Variants in PRKCE observed in about 807,000 individuals in gnomAD.
PRKCE encodes the protein protein kinase C epsilon, also known as protein kinase C epsilon type.
A neutral mutation model predicts 85.4 loss-of-function variants in PRKCE; 16 were observed. The observed-to-expected ratio is 0.19, with a 90% confidence interval of 0.13 to 0.28. The LOEUF (loss-of-function observed/expected upper bound fraction) is 0.28, where lower values mean the gene tolerates loss of function less well. PRKCE is among the 10% of genes least tolerant of loss of function. PRKCE has a pLI of 1.00. For synonymous variants in PRKCE, 388 were observed against 371.5 expected (o/e 1.04, Z -0.51); for missense variants, 573 against 975.2 (o/e 0.59, Z 5.49).
At chr2:45,872,671 G>A (rs887466561) in intron 2 of PRKCE, among the ~76,000 whole-genome samples, 1 of 152,206 alleles carries the variant, frequency 6.6e-6, no homozygotes, top group Non-Finnish European at 1.5e-5. Context: ...GCCAGAAGTG[G>A]ATTGGAGATA....
Position 45,895,296 on chromosome 2 carries a change from C to G in PRKCE, c.412+52233C>G, listed in dbSNP as rs1696051918. Among the ~76,000 whole-genome samples, 1 of 152,176 alleles carries G rather than the reference C, an allele frequency of 6.6e-6. No individual in the cohort carries two copies. Among genetic ancestry groups the G allele is most frequent in the African/African-American group, 2.4e-5 (1 of 41,446 alleles). Reference sequence around the variant, plus strand: ...TTCAGTACACACACAGCTACGGTAACAGTACCTCTCCATCCACAGTGACTT... The same window carrying G: ...TTCAGTACACACACAGCTACGGTAAGAGTACCTCTCCATCCACAGTGACTT... On this transcript the variant is annotated intron_variant, in intron 2 of 14. Coordinates refer to ENST00000306156, the MANE Select transcript of PRKCE (RefSeq NM_005400.3). The surrounding 1 kb of genome is among the most constrained non-coding windows in gnomAD (Gnocchi z 4.8).
At chr2:45,852,526 CAT>C (rs1212616613) in intron 2 of PRKCE, among the ~76,000 whole-genome samples, 2 of 152,158 alleles carry the variant, frequency 1.3e-5, no homozygotes, top group Non-Finnish European at 2.9e-5. Context: ...ATGAAAAAGA[CAT>C]AGGTCCTGCC....
intron 1 of PRKCE, among the ~76,000 whole-genome samples, chr2:45,799,558 T>C (rs1181544945): frequency 6.6e-6 from 1 of 152,220 alleles, no homozygotes; most frequent in Non-Finnish European, 1.5e-5. Flanking sequence ...AGCAAGACCC[T>C]GTCTCTAAAA....
chr2:45,691,794 C>T (rs770601930), intron 1 of PRKCE, among the ~76,000 whole-genome samples: 17 of 152,226 alleles, frequency 1.1e-4, no homozygotes, highest in South Asian at 6.2e-4. Flanking sequence ...TGCATGGAGG[C>T]GGCACTCTTT....
chr2:46,006,573 C>A (rs1002070219), intron 8 of PRKCE, among the ~76,000 whole-genome samples: 1 of 152,238 alleles, frequency 6.6e-6, no homozygotes, highest in Non-Finnish European at 1.5e-5. Flanking sequence ...CTATGTTCCC[C>A]TTCCATAATC....
At chr2:45,800,846 A>G (rs552024667) in intron 1 of PRKCE, among the ~76,000 whole-genome samples, 27 of 152,290 alleles carry the variant, frequency 1.8e-4, no homozygotes, top group African/African-American at 6.5e-4. Flanking sequence ...ACTGACATAC[A>G]TGTATGCATG....
At chr2:45,914,433 T>G (rs1476916203) in intron 2 of PRKCE, among the ~76,000 whole-genome samples, 1 of 152,172 alleles carries the variant, frequency 6.6e-6, no homozygotes, top group Non-Finnish European at 1.5e-5. Context: ...CTCAGGAGTG[T>G]TCTGTGCTGT....
At chr2:45,888,383 A>G (rs563588163) in intron 2 of PRKCE, among the ~76,000 whole-genome samples, 3 of 152,084 alleles carry the variant, frequency 2.0e-5, no homozygotes, top group Non-Finnish European at 4.4e-5. Flanking sequence ...GATACAGCAT[A>G]CAAGGGTTCC....
rs1292105731 is a variant in PRKCE, at chr2:45,816,001, G to A, written c.349-26999G>A. ...AGAGTGTTGATGGTACCTTTATGGC[G>A]ATTAATGCAAGACACATCCCAAGTA... On this transcript the variant is annotated intron_variant, in intron 1 of 14. Transcript: ENST00000306156. 2.6e-5 allele frequency among the ~76,000 whole-genome samples: 4 copies of A among 152,286 alleles called. No individual in the cohort carries two copies. The South Asian group carries it at 6.2e-4, about 24-fold the overall frequency.
At chr2:45,903,887 T>TTTTTTTTG (rs1553445440) in intron 2 of PRKCE, among the ~76,000 whole-genome samples, 21 of 102,676 alleles carry the variant, frequency 2.0e-4, no homozygotes, top group East Asian at 7.5e-4. Context: ...GGCAGTTTTT[T>TTTTTTTTG]TTTGTTTGTT....
chr2:45,775,736 C>T (rs1053360961), intron 1 of PRKCE, among the ~76,000 whole-genome samples: 1 of 152,194 alleles, frequency 6.6e-6, no homozygotes, highest in African/African-American at 2.4e-5. Flanking sequence ...CAGCATGATC[C>T]TCGGGTTACG....
chr2:45,817,592 G>T (rs1247094234), intron 1 of PRKCE, among the ~76,000 whole-genome samples: 1 of 152,146 alleles, frequency 6.6e-6, no homozygotes, highest in South Asian at 2.1e-4. Context: ...TACTCAGGAG[G>T]CTGAGGCAGG....
intron 10 of PRKCE, among the ~76,000 whole-genome samples, chr2:46,083,730 C>A (rs750131653): frequency 3.3e-5 from 5 of 152,178 alleles, no homozygotes; most frequent in African/African-American, 4.8e-5. Flanking sequence ...ATCTTCTGAA[C>A]CAGATATCTG....
chr2:46,006,828 T>C (rs1705242102), intron 8 of PRKCE, among the ~76,000 whole-genome samples: 1 of 152,218 alleles, frequency 6.6e-6, no homozygotes, highest in South Asian at 2.1e-4. Flanking sequence ...GAGATAAGTT[T>C]GCAACATGTC....
intron 1 of PRKCE, among the ~76,000 whole-genome samples, chr2:45,680,872 T>C (rs1224431843): frequency 1.3e-5 from 2 of 152,204 alleles, no homozygotes; most frequent in Admixed American, 6.5e-5. Flanking sequence ...TACAGGATAT[T>C]TGCTCTTCAT....
intron 10 of PRKCE, among the ~76,000 whole-genome samples, chr2:46,065,611 C>A (rs185092128): frequency 6.6e-6 from 1 of 152,138 alleles, no homozygotes; most frequent in East Asian, 1.9e-4. Flanking sequence ...CTTTTCAGAT[C>A]GACTTTCCTG....
At chr2:45,726,678 G>A (rs1213857464) in intron 1 of PRKCE, among the ~76,000 whole-genome samples, 1 of 152,086 alleles carries the variant, frequency 6.6e-6, no homozygotes, top group Non-Finnish European at 1.5e-5. Flanking sequence ...CAATATCTCT[G>A]ATGTATACCT....
chr2:46,173,524 A>G (rs572843004), intron 14 of PRKCE, among the ~76,000 whole-genome samples: 9 of 152,228 alleles, frequency 5.9e-5, no homozygotes, highest in Non-Finnish European at 1.0e-4. Context: ...TCACTTTACC[A>G]ATAGCAGACA....
intron 1 of PRKCE, among the ~76,000 whole-genome samples, chr2:45,714,393 G>A (rs1679917494): frequency 6.6e-6 from 1 of 152,200 alleles, no homozygotes; most frequent in Non-Finnish European, 1.5e-5. Context: ...GCTGAGTAAG[G>A]AAAGGGAAAT....
Sources: gnomAD v4.1 joint callset for allele counts (sites outside exome capture counted in the v4.1 genomes callset) on GRCh38, gnomAD v4.1.1 for gene constraint, Gnocchi (gnomAD v3.1) non-coding constraint, MANE v1.5 for transcripts, NCBI Gene and HGNC (gene_info 2026-07-23, HGNC 2026-07-21) for gene names.